Variants in ANTXR1 observed in about 807,000 individuals in gnomAD.
The protein encoded by ANTXR1 is ANTXR cell adhesion molecule 1.
Under a neutral mutation model 78.1 loss-of-function variants are expected in ANTXR1, and 19 were observed. The ratio of observed to expected loss-of-function variants is 0.24; its 90% CI spans 0.17 to 0.36. ANTXR1 has a LOEUF of 0.36. Among genes scored for constraint, ANTXR1 ranks in the 10% least tolerant of loss-of-function variants. The pLI is 1.00. For missense variants in ANTXR1, 518 were observed against 718.6 expected, an observed-to-expected ratio of 0.72 and a Z score of 3.19; for synonymous variants, 273 against 260.5, an observed-to-expected ratio of 1.05 and a Z score of -0.46.
intron 17 of ANTXR1, among the ~76,000 whole-genome samples, chr2:69,195,095 G>C (rs1304609468): frequency 6.6e-6 from 1 of 151,684 alleles, no homozygotes; most frequent in Non-Finnish European, 1.5e-5. Context: ...TTGAACCCAG[G>C]AGGCGGAGGT....
intron 13 of ANTXR1, among the ~76,000 whole-genome samples, chr2:69,165,809 A>G (rs1036572522): frequency 6.6e-6 from 1 of 152,262 alleles, no homozygotes; most frequent in Non-Finnish European, 1.5e-5. Context: ...CACAACGGCA[A>G]GGATCAAAGC....
chr2:69,204,925 A>G (rs1391541047), intron 17 of ANTXR1, among the ~76,000 whole-genome samples: 1 of 152,036 alleles, frequency 6.6e-6, no homozygotes, highest in Non-Finnish European at 1.5e-5. Context: ...GCTGCCTCCC[A>G]CTTTACCACC....
chr2:69,199,967 A>G (rs1674736427), intron 17 of ANTXR1, among the ~76,000 whole-genome samples: 1 of 152,148 alleles, frequency 6.6e-6, no homozygotes, highest in African/African-American at 2.4e-5. Flanking sequence ...CTGCCATGTC[A>G]TTGCTACTGC....
chr2:69,155,318 A>G (rs1360039568), intron 13 of ANTXR1, among the ~76,000 whole-genome samples: 1 of 152,182 alleles, frequency 6.6e-6, no homozygotes, highest in Non-Finnish European at 1.5e-5. Flanking sequence ...TCCTATACCT[A>G]TTCATTGGCA....
chr2:69,162,368 G>A (rs901502630), intron 13 of ANTXR1, among the ~76,000 whole-genome samples: 4 of 152,182 alleles, frequency 2.6e-5, no homozygotes, highest in Non-Finnish European at 4.4e-5. Context: ...GGTTTGATGT[G>A]GGTGTGTATG....
chr2:69,146,052 C>G, intron 12 of ANTXR1: 1 of 985,472 alleles, frequency 1.0e-6, no homozygotes, highest in Non-Finnish European at 1.2e-6. Flanking sequence ...GCCATTCAAG[C>G]CGGGCAGCCT....
chr2:69,246,286 T>C lies in ANTXR1; in HGVS notation c.*801T>C, dbSNP rs1676020795. On this transcript the variant is annotated 3_prime_UTR_variant, in exon 18 of 18. Coordinates refer to ENST00000303714, the MANE Select transcript of ANTXR1 (RefSeq NM_032208.3). ...GCTGGCTTTGGCCAGACATGGACCC[T>C]AAATCAACAGACAATGGCATTGTCG... 2 of 152,228 alleles carry C rather than the reference T, an allele frequency of 1.3e-5. No homozygotes were observed. The highest frequency in any genetic ancestry group is 4.1e-4 in the South Asian group (2 of 4,828). The allele number at this position is 152,228 out of a possible 1,614,324, so 9.4% of individuals were successfully genotyped here.
At chr2:69,111,075 C>G (rs1402991702) in intron 10 of ANTXR1, among the ~76,000 whole-genome samples, 1 of 152,084 alleles carries the variant, frequency 6.6e-6, no homozygotes, top group Non-Finnish European at 1.5e-5. Context: ...CAGAAAAGAA[C>G]CCACAAAATT....
Position 69,179,524 on chromosome 2 carries a change from C to CAAA in ANTXR1, c.1090-2249_1090-2247dup, listed in dbSNP as rs59914010. ...GGGTGACAGAGTGAGACCCTGTCTC[C>CAAA]AAAAAAAAAAAAAAATTATCAAAAT... On this transcript the variant is annotated intron_variant, in intron 14 of 17. Transcript: ENST00000303714. Among the ~76,000 whole-genome samples the CAAA allele has an allele frequency of 5.1e-3, 686 of 135,840 alleles. 7 individuals carry two copies. The highest frequency in any genetic ancestry group is 0.016 in the African/African-American group (607 of 37,746). 89.1% of individuals were successfully genotyped at this position (135,840 alleles called of 152,430 possible). A position where few individuals can be genotyped will look rare whatever the true frequency, so the allele number is the denominator to read the frequency against.
At chr2:69,182,114 C>G in intron 15 of ANTXR1, 1 of 577,494 alleles carries the variant, frequency 1.7e-6, no homozygotes, top group East Asian at 3.0e-5. Context: ...GGAGGGACAG[C>G]CTTTCACTGT....
chr2:69,077,204 A>G, intron 7 of ANTXR1: 1 of 607,022 alleles, frequency 1.6e-6, no homozygotes, highest in South Asian at 2.0e-5. Context: ...GCTGGAGCCA[A>G]CCCTTGGCCT....
At chr2:69,118,951 C>T (rs1672250759) in intron 10 of ANTXR1, among the ~76,000 whole-genome samples, 1 of 152,182 alleles carries the variant, frequency 6.6e-6, no homozygotes, top group East Asian at 1.9e-4. Context: ...AGCAGGCCCA[C>T]AGCCTGGGAG....
intron 1 of ANTXR1, among the ~76,000 whole-genome samples, chr2:69,018,819 A>C (rs994551981): frequency 6.6e-6 from 1 of 152,218 alleles, no homozygotes; most frequent in Non-Finnish European, 1.5e-5. Flanking sequence ...AACTAGAGGA[A>C]CTGGGTAGAT....
rs564477884 is a variant in ANTXR1 at position 69,160,479 on chromosome 2, G to A, written c.1047+8215G>A. 7.9e-5 allele frequency among the ~76,000 whole-genome samples: 12 copies of A among 152,180 alleles called. No individual in the cohort carries two copies. In the South Asian group the frequency reaches 1.4e-3, roughly 18 times the overall value. The stretch of plus-strand genomic sequence containing the variant: ...TCTCTAAGGCTGCTTCCTCATATTC[G>A]TACCTTCTTTGAGTGAATCTGCTTC... On this transcript the variant is annotated intron_variant, in intron 13 of 17. Transcript: ENST00000303714.
At position 69,182,669 on chromosome 2, in the gene ANTXR1, CT is replaced by C; in HGVS notation, c.1353+12del. 1 of 1,614,106 alleles carries C rather than the reference CT, an allele frequency of 6.2e-7. No individual in the cohort carries two copies. The highest frequency in any genetic ancestry group is 8.5e-7 in the Non-Finnish European group (1 of 1,180,004). On this transcript the variant is annotated intron_variant, in intron 16 of 17. Coordinates refer to ENST00000303714, the MANE Select transcript of ANTXR1 (RefSeq NM_032208.3). ...GGTACTCTCCAATCAAGGTGTGTCT[CT>C]TTACTCAAAAAATCTATCATCAGTC...
At chr2:69,197,352 T>G (rs1224096198) in intron 17 of ANTXR1, among the ~76,000 whole-genome samples, 1 of 152,164 alleles carries the variant, frequency 6.6e-6, no homozygotes, top group Non-Finnish European at 1.5e-5. Flanking sequence ...GCAAAAACTG[T>G]GGGAAAACCC....
At chr2:69,143,289 T>C (rs1404658036) in intron 12 of ANTXR1, among the ~76,000 whole-genome samples, 2 of 152,096 alleles carry the variant, frequency 1.3e-5, no homozygotes, top group East Asian at 3.8e-4. Flanking sequence ...AGTATTTAGA[T>C]CAGAGGATCA....
intron 9 of ANTXR1, among the ~76,000 whole-genome samples, chr2:69,092,400 G>A (rs1671269789): frequency 1.3e-5 from 2 of 152,188 alleles, no homozygotes; most frequent in South Asian, 4.1e-4. Flanking sequence ...ATATAAAGTT[G>A]TTATCAATAC....
At chr2:69,060,488 C>T (rs2104161243) in intron 3 of ANTXR1, among the ~76,000 whole-genome samples, 1 of 152,212 alleles carries the variant, frequency 6.6e-6, no homozygotes. Flanking sequence ...GCTGGAACTC[C>T]AATCTTTAGA....
Sources: gnomAD v4.1 joint callset for allele counts (sites outside exome capture counted in the v4.1 genomes callset) on GRCh38, gnomAD v4.1.1 for gene constraint, MANE v1.5 for transcripts, NCBI Gene and HGNC (gene_info 2026-07-23, HGNC 2026-07-21) for gene names.